The following GFI1B variants were observed in gnomAD, a reference collection of about 807,000 sequenced individuals.
GFI1B encodes zinc finger protein Gfi-1b.
A neutral mutation model predicts 35.3 loss-of-function variants in GFI1B; 20 were observed. The observed-to-expected ratio is 0.57, with a 90% confidence interval of 0.40 to 0.82. The LOEUF (loss-of-function observed/expected upper bound fraction) is 0.82, where lower values mean the gene tolerates loss of function less well. Among genes scored for constraint, GFI1B ranks in the 40% least tolerant of loss-of-function variants. GFI1B has a pLI of 0.00. For synonymous variants in GFI1B, 178 were observed against 177.6 expected (o/e 1.00, Z -0.02); for missense variants, 430 against 446.3 (o/e 0.96, Z 0.33).
intron 1 of GFI1B, among the ~76,000 whole-genome samples, chr9:132,962,112 G>A (rs1211843460): frequency 6.7e-6 from 1 of 149,638 alleles, no homozygotes; most frequent in Non-Finnish European, 1.5e-5. Context: ...TCACACATGT[G>A]TGCATACAGA....
chr9:132,973,035 T>C (rs1356055742), intron 2 of GFI1B, among the ~76,000 whole-genome samples: 2 of 152,250 alleles, frequency 1.3e-5, no homozygotes, highest in African/African-American at 4.8e-5. Flanking sequence ...GCAGGCACTT[T>C]TCTGGCACCA....
chr9:132,962,507 C>A, intron 1 of GFI1B: 2 of 505,186 alleles, frequency 4.0e-6, no homozygotes, highest in Non-Finnish European at 8.1e-6. Flanking sequence ...CTCTGCTTCT[C>A]GCCATGTCTT....
At chr9:132,962,840 G>A (rs1193333028) in intron 1 of GFI1B, among the ~76,000 whole-genome samples, 1 of 151,846 alleles carries the variant, frequency 6.6e-6, no homozygotes, top group Non-Finnish European at 1.5e-5. Context: ...GGAGGCCAAG[G>A]CGGGTGGATC....
intron 1 of GFI1B, among the ~76,000 whole-genome samples, chr9:132,965,872 C>G (rs1848444014): frequency 6.6e-6 from 1 of 152,082 alleles, no homozygotes. Flanking sequence ...TCCACAGGAG[C>G]CATAAAATAG....
chr9:132,950,818 G>T lies in GFI1B; in HGVS notation c.-701+5149G>T, dbSNP rs551946919. Among the ~76,000 whole-genome samples the T allele has an allele frequency of 2.9e-3, 414 of 145,162 alleles. 1 individual carries two copies. The highest frequency in any genetic ancestry group is 5.2e-3 in the Non-Finnish European group (344 of 65,852). ...CTTAAGCTTTCTCTGTTTGTATGGG[G>T]TTTTTTGTTGTTGTTGTTTGTTTGT... On this transcript the variant is annotated intron_variant, in intron 1 of 10. Coordinates refer to the GFI1B transcript ENST00000339463.
chr9:132,970,773 G>A (rs1327067207), intron 1 of GFI1B, among the ~76,000 whole-genome samples: 2 of 152,184 alleles, frequency 1.3e-5, no homozygotes, highest in African/African-American at 4.8e-5. Flanking sequence ...ACTTTCATTC[G>A]CTCCTCCTTC....
chr9:132,975,643 G>C (rs1233427495), upstream of GFI1B, among the ~76,000 whole-genome samples: 1 of 152,206 alleles, frequency 6.6e-6, no homozygotes, highest in Non-Finnish European at 1.5e-5. Flanking sequence ...TGAAACCCCA[G>C]CATGTGGTGC....
At chr9:132,983,283 G>GCTCACTGCAA (rs1848900260) in intron 1 of GFI1B, among the ~76,000 whole-genome samples, 1 of 130,704 alleles carries the variant, frequency 7.7e-6, no homozygotes, top group South Asian at 2.7e-4. Flanking sequence ...TGCAACCTCC[G>GCTCACTGCAA]CCTCCCGGGT....
intron 3 of GFI1B, 43 bp from the exon 4 acceptor site, chr9:132,988,152 CCT>C (rs767321049): frequency 3.1e-6 from 5 of 1,591,690 alleles, no homozygotes; most frequent in South Asian, 2.2e-5. Context: ...TGCCCAACCC[CCT>C]GTGTTTAAAT....
At chr9:132,963,841 T>C (rs1265191195) in intron 1 of GFI1B, 1 of 152,090 alleles carries the variant, frequency 6.6e-6, no homozygotes, top group Non-Finnish European at 1.5e-5. Context: ...TTGAATAAAC[T>C]ATGGCGCAGT....
intron 2 of GFI1B, 116 bp from the exon 3 acceptor site, chr9:132,987,166 C>CT: frequency 8.8e-7 from 1 of 1,142,216 alleles, no homozygotes; most frequent in East Asian, 2.5e-5. Context: ...CCAGAAGCAG[C>CT]GGCACGTGGC....
At chr9:132,953,989 C>T (rs966102020) in intron 1 of GFI1B, among the ~76,000 whole-genome samples, 3 of 152,126 alleles carry the variant, frequency 2.0e-5, no homozygotes, top group Non-Finnish European at 2.9e-5. Flanking sequence ...TATTTCCTGC[C>T]CCCTGTTTTT....
At chr9:132,957,380 T>G (rs75457648) in intron 1 of GFI1B, among the ~76,000 whole-genome samples, 1 of 152,248 alleles carries the variant, frequency 6.6e-6, no homozygotes, top group Non-Finnish European at 1.5e-5. Context: ...GGAGTTGCTA[T>G]GAGACCATAT....
intron 1 of GFI1B, among the ~76,000 whole-genome samples, chr9:132,980,528 A>G (rs906731053): frequency 1.3e-5 from 2 of 152,322 alleles, no homozygotes; most frequent in East Asian, 3.9e-4. Flanking sequence ...TACATATAAC[A>G]TAAAATTTCC....
intron 1 of GFI1B, among the ~76,000 whole-genome samples, chr9:132,979,246 CTTTTTTTTTTTTTTTTTTTT>C (rs34125755): frequency 1.0e-5 from 1 of 95,632 alleles, no homozygotes; most frequent in Non-Finnish European, 2.1e-5. Flanking sequence ...TCCTGGGACA[CTTTTTTTTTTTTTTTTTTTT>C]TTTTTTTTGA....
At chr9:132,977,149 G>A (rs1848653890), upstream of GFI1B, among the ~76,000 whole-genome samples, 1 of 152,122 alleles carries the variant, frequency 6.6e-6, no homozygotes, top group Admixed American at 6.5e-5. Context: ...TAGAGATGGG[G>A]TTTCTCCATG....
chr9:132,970,060 T>A (rs1163072879), intron 1 of GFI1B, among the ~76,000 whole-genome samples: 4 of 152,174 alleles, frequency 2.6e-5, no homozygotes, highest in African/African-American at 9.7e-5. Context: ...TGATCAGTGT[T>A]GAGAAGGAAC....
chr9:132,970,527 G>A (rs1039856725), intron 1 of GFI1B, among the ~76,000 whole-genome samples: 1 of 152,172 alleles, frequency 6.6e-6, no homozygotes, highest in Admixed American at 6.5e-5. Flanking sequence ...GATCTGTGAC[G>A]TGCAGTGTGG....
rs538351912 is a variant in GFI1B at position 132,991,530 on chromosome 9, C to T, written c.*480C>T. 173 of 173,742 alleles carry T rather than the reference C, an allele frequency of 1.0e-3. No individual in the cohort carries two copies. Among genetic ancestry groups the T allele is most frequent in the Middle Eastern group, 2.8e-3 (1 of 360 alleles). 10.8% of individuals were successfully genotyped at this position (173,742 alleles called of 1,614,324 possible). On this transcript the variant is annotated 3_prime_UTR_variant, in exon 7 of 7. Coordinates refer to ENST00000372122, the MANE Select transcript of GFI1B (RefSeq NM_001377304.1). ...CAGAAGCCTGGCACCCCCTCTGCTTCGGCCAGATGTGCTGGCTGACTCCGA... is the reference window on the plus strand; with the variant it reads ...CAGAAGCCTGGCACCCCCTCTGCTTTGGCCAGATGTGCTGGCTGACTCCGA...
Sources: allele counts gnomAD v4.1 joint callset (sites outside exome capture counted in the v4.1 genomes callset), GRCh38; gene constraint gnomAD v4.1.1; transcripts MANE v1.5; gene names NCBI Gene and HGNC (gene_info 2026-07-23, HGNC 2026-07-21).